ASAP2: variants seen among roughly 807,000 people sequenced by gnomAD.
ASAP2 encodes arf-GAP with SH3 domain, ANK repeat and PH domain-containing protein 2.
Under a neutral mutation model 131.4 loss-of-function variants are expected in ASAP2, and 45 were observed. The observed-to-expected ratio is 0.34, with a 90% CI of 0.27 to 0.44. The LOEUF is 0.44. Ranked by LOEUF, ASAP2 falls within the 20% of genes least tolerant of loss-of-function variation. The probability of loss-of-function intolerance (pLI) is 1.00; values close to 1 mark genes in which losing one functional copy is unlikely to be tolerated. For synonymous variants in ASAP2, 510 were observed against 503.0 expected, an observed-to-expected ratio of 1.01 and a Z score of -0.19; for missense variants, 1,011 against 1,297.0, an observed-to-expected ratio of 0.78 and a Z score of 3.39.
chr2:9,349,378 C>G (rs951899934), intron 11 of ASAP2, among the ~76,000 whole-genome samples: 1 of 152,110 alleles, frequency 6.6e-6, no homozygotes, highest in Non-Finnish European at 1.5e-5. Flanking sequence ...GGTGTACACC[C>G]GTGTTAAAGT....
chr2:9,355,955 T>G, intron 12 of ASAP2, 92 bp from the exon 13 acceptor site: 1 of 1,461,886 alleles, frequency 6.8e-7, no homozygotes, highest in South Asian at 1.1e-5. Context: ...AGAGCTAAGA[T>G]TATTCCAGAG....
chr2:9,335,264 C>T, intron 9 of ASAP2, 85 bp downstream of exon 9: 1 of 1,212,194 alleles, frequency 8.2e-7, no homozygotes, highest in Non-Finnish European at 1.2e-6. Context: ...TTCATGTCTT[C>T]TAGGAGCTCA....
intron 16 of ASAP2, among the ~76,000 whole-genome samples, chr2:9,374,379 G>A (rs191157368): frequency 4.6e-5 from 7 of 152,384 alleles, no homozygotes; most frequent in Non-Finnish European, 1.0e-4. Context: ...TGGAGGGCAG[G>A]GGCAGGGCCT....
At chr2:9,234,812 G>A (rs998833750) in intron 1 of ASAP2, among the ~76,000 whole-genome samples, 5 of 152,264 alleles carry the variant, frequency 3.3e-5, no homozygotes, top group South Asian at 4.1e-4. Flanking sequence ...CCGGCCTTGC[G>A]AATGCTTCAG....
rs1299730104 is a variant in ASAP2, at chr2:9,358,790, G to A, written c.1362G>A (p.Leu454=). ...GGCTTTCCACCAACCTGGGCATCCT[G>A]ACCTGCATCGAGTGTTCCGGAATCC... ...PTWLSTNLGI[L]TCIECSGIHR... Residue 454 remains leucine (L), a synonymous_variant, in exon 15 of 28, where the codon CTG becomes CTA. Coordinates refer to ENST00000281419, the MANE Select transcript of ASAP2 (RefSeq NM_003887.3). The A allele has an allele frequency of 1.1e-5, 17 of 1,613,396 alleles. No homozygotes were observed. Among genetic ancestry groups the A allele is most frequent in the African/African-American group, 2.7e-5 (2 of 74,730 alleles).
At chr2:9,314,470 GTA>G (rs1157289266) in intron 3 of ASAP2, among the ~76,000 whole-genome samples, 1 of 152,142 alleles carries the variant, frequency 6.6e-6, no homozygotes, top group Non-Finnish European at 1.5e-5. Flanking sequence ...AAATATTTCA[GTA>G]TACTGATTTC....
At chr2:9,290,462 G>A (rs1361486097) in intron 2 of ASAP2, among the ~76,000 whole-genome samples, 3 of 152,208 alleles carry the variant, frequency 2.0e-5, no homozygotes, top group African/African-American at 2.4e-5. Context: ...TGCCCATCTC[G>A]GCCTCCCAAA....
chr2:9,341,105 C>T (rs1671543747), intron 9 of ASAP2, among the ~76,000 whole-genome samples: 1 of 152,130 alleles, frequency 6.6e-6, no homozygotes, highest in South Asian at 2.1e-4. Flanking sequence ...ACCGCCCTGG[C>T]CTCTCTTACT....
chr2:9,279,471 T>A, intron 2 of ASAP2, 82 bp downstream of exon 2: 1 of 1,329,482 alleles, frequency 7.5e-7, no homozygotes, highest in Non-Finnish European at 1.1e-6. Flanking sequence ...TGATGACCAT[T>A]AACAAATGAG....
rs200322386 is a variant in ASAP2, at chr2:9,401,440, C to T, written c.2946+44C>T. 614 of 1,600,862 alleles carry T rather than the reference C, an allele frequency of 3.8e-4. 4 individuals are homozygous for T. The South Asian group carries it at 5.7e-3, about 15-fold the overall frequency. On this transcript the variant is annotated intron_variant, in intron 27 of 27. Transcript: ENST00000281419. ...TGGGAGGTTCCTGGGGGCTGAGCCA[C>T]GTCCCTGCCCACCTGGCTGGAGAGA...
At chr2:9,288,582 C>T (rs1667610734) in intron 2 of ASAP2, among the ~76,000 whole-genome samples, 1 of 152,158 alleles carries the variant, frequency 6.6e-6, no homozygotes, top group African/African-American at 2.4e-5. Flanking sequence ...GCAAAATGCA[C>T]ATTCTGTAAT....
intron 21 of ASAP2, among the ~76,000 whole-genome samples, chr2:9,387,107 A>C (rs992671745): frequency 6.7e-6 from 1 of 149,782 alleles, no homozygotes; most frequent in Admixed American, 6.6e-5. Context: ...CCAGCTACTC[A>C]GGAGGCTGAG....
At chr2:9,400,860 C>T (rs1202091586) in intron 26 of ASAP2, 30 bp downstream of exon 26, 3 of 1,595,652 alleles carry the variant, frequency 1.9e-6, no homozygotes, top group Non-Finnish European at 2.6e-6. Context: ...TCCTGCCTCT[C>T]TGCTCTAGCC....
intron 1 of ASAP2, among the ~76,000 whole-genome samples, chr2:9,271,032 A>T (rs1666347875): frequency 6.6e-6 from 1 of 151,400 alleles, no homozygotes; most frequent in South Asian, 2.1e-4. Flanking sequence ...TGACCTCGTG[A>T]TCCACCTGCC....
intron 6 of ASAP2, among the ~76,000 whole-genome samples, chr2:9,323,560 T>C (rs2148514476): frequency 6.6e-6 from 1 of 152,354 alleles, no homozygotes; most frequent in African/African-American, 2.4e-5. Flanking sequence ...TTAAATGAGA[T>C]CTCTGAGTTC....
intron 12 of ASAP2, among the ~76,000 whole-genome samples, chr2:9,353,339 A>C (rs564997033): frequency 7.9e-5 from 12 of 151,964 alleles, no homozygotes; most frequent in Non-Finnish European, 1.8e-4. Context: ...CCAAGGTGGG[A>C]GGATTGCTTG....
At chr2:9,218,722 C>T (rs1214478739) in intron 1 of ASAP2, among the ~76,000 whole-genome samples, 2 of 152,250 alleles carry the variant, frequency 1.3e-5, no homozygotes, top group African/African-American at 2.4e-5. Flanking sequence ...TGAGTCCAGT[C>T]TTTCCAGCTC....
At chr2:9,394,444 G>A (rs994816046) in intron 24 of ASAP2, among the ~76,000 whole-genome samples, 5 of 152,070 alleles carry the variant, frequency 3.3e-5, no homozygotes, top group Admixed American at 6.5e-5. Flanking sequence ...GATTACAGGC[G>A]TGAGCCACTG....
intron 1 of ASAP2, among the ~76,000 whole-genome samples, chr2:9,221,079 C>T (rs1662380956): frequency 6.6e-6 from 1 of 152,086 alleles, no homozygotes; most frequent in Non-Finnish European, 1.5e-5. Flanking sequence ...GTTTGGAAAT[C>T]AGGAAGTGTG....
Sources: allele counts gnomAD v4.1 joint callset (sites outside exome capture counted in the v4.1 genomes callset), GRCh38; gene constraint gnomAD v4.1.1; transcripts MANE v1.5; gene names NCBI Gene and HGNC (gene_info 2026-07-23, HGNC 2026-07-21).